Variants in TBC1D32 observed in about 807,000 individuals in gnomAD.
The protein encoded by TBC1D32 is protein broad-minded.
A neutral mutation model predicts 170.3 loss-of-function variants in TBC1D32; 151 were observed. That is an observed-to-expected ratio of 0.89 (90% CI 0.78 to 1.01). The LOEUF (loss-of-function observed/expected upper bound fraction) is 1.01, where lower values mean the gene tolerates loss of function less well. Among genes scored for constraint, TBC1D32 ranks in the 50% least tolerant of loss-of-function variants. The pLI, the probability that TBC1D32 is intolerant of heterozygous loss-of-function variation, is 0.00. For missense variants in TBC1D32, 1,464 were observed against 1,457.1 expected (o/e 1.00, Z -0.08); for synonymous variants, 498 against 488.0 (o/e 1.02, Z -0.27).
intron 24 of TBC1D32, among the ~76,000 whole-genome samples, chr6:121,153,407 T>C (rs965885602): frequency 6.6e-6 from 1 of 152,068 alleles, no homozygotes; most frequent in Non-Finnish European, 1.5e-5. Context: ...CAGCTGAAGC[T>C]CTCCTGTATA....
intron 22 of TBC1D32, among the ~76,000 whole-genome samples, chr6:121,194,004 G>C (rs1382529035): frequency 6.6e-6 from 1 of 150,826 alleles, no homozygotes; most frequent in East Asian, 2.0e-4. Flanking sequence ...CAGCAATGTA[G>C]AGGGTAACTG....
intron 24 of TBC1D32, among the ~76,000 whole-genome samples, chr6:121,152,426 T>C (rs1488202247): frequency 6.6e-6 from 1 of 152,200 alleles, no homozygotes; most frequent in Non-Finnish European, 1.5e-5. Flanking sequence ...CTGACTGCCT[T>C]AAAATTTTTT....
chr6:121,288,514 C>G (rs1367292326), intron 12 of TBC1D32, among the ~76,000 whole-genome samples: 2 of 151,914 alleles, frequency 1.3e-5, no homozygotes, highest in African/African-American at 4.8e-5. Flanking sequence ...ATAATTAATA[C>G]CTTGCCAACC....
At chr6:121,198,830 T>C (rs1229146870) in intron 22 of TBC1D32, among the ~76,000 whole-genome samples, 1 of 151,254 alleles carries the variant, frequency 6.6e-6, no homozygotes, top group Non-Finnish European at 1.5e-5. Context: ...GACATAACTC[T>C]AGGAGACAAT....
intron 29 of TBC1D32, among the ~76,000 whole-genome samples, chr6:121,106,920 T>G (rs1260080521): frequency 6.6e-6 from 1 of 151,966 alleles, no homozygotes; most frequent in Non-Finnish European, 1.5e-5. Context: ...TGATCAATAA[T>G]GTACTGTGTA....
chr6:121,221,017 G>A (rs1238842870), intron 21 of TBC1D32, among the ~76,000 whole-genome samples: 1 of 151,986 alleles, frequency 6.6e-6, no homozygotes, highest in African/African-American at 2.4e-5. Flanking sequence ...CTAGAAAGGA[G>A]AAGTCAGTGC....
chr6:121,120,884 TCTTTTACCC>T (rs909222613), intron 26 of TBC1D32, among the ~76,000 whole-genome samples: 1 of 152,010 alleles, frequency 6.6e-6, no homozygotes, highest in African/African-American at 2.4e-5. Flanking sequence ...CTCTTAAGTC[TCTTTTACCC>T]CTTTCCCAGG....
At chr6:121,296,458 C>T (rs886821352) in intron 10 of TBC1D32, among the ~76,000 whole-genome samples, 2 of 152,084 alleles carry the variant, frequency 1.3e-5, no homozygotes, top group African/African-American at 2.4e-5. Context: ...ATTAAACCTA[C>T]CAAATCTAAA....
At chr6:121,304,959 G>T in intron 5 of TBC1D32, 126 bp from the exon 6 acceptor site, 3 of 662,208 alleles carry the variant, frequency 4.5e-6, no homozygotes, top group Non-Finnish European at 7.7e-6. Flanking sequence ...AGAAACTAGA[G>T]TCAGAATGTA....
intron 30 of TBC1D32, among the ~76,000 whole-genome samples, chr6:121,098,801 A>T (rs1425341298): frequency 6.6e-6 from 1 of 151,974 alleles, no homozygotes; most frequent in Non-Finnish European, 1.5e-5. Context: ...ATGATCCAGG[A>T]TATTTCCATT....
chr6:121,233,825 A>G (rs1448500209), intron 20 of TBC1D32, among the ~76,000 whole-genome samples: 2 of 152,110 alleles, frequency 1.3e-5, no homozygotes. Flanking sequence ...TTTATTCTTT[A>G]AGGATGTTCT....
chr6:121,218,553 G>C (rs1794108349), intron 21 of TBC1D32, among the ~76,000 whole-genome samples: 1 of 152,104 alleles, frequency 6.6e-6, no homozygotes, highest in Non-Finnish European at 1.5e-5. Flanking sequence ...ATCTGGGTAG[G>C]CACCCTCTAA....
At chr6:121,153,343 G>T (rs1398668781) in intron 24 of TBC1D32, among the ~76,000 whole-genome samples, 1 of 152,186 alleles carries the variant, frequency 6.6e-6, no homozygotes, top group African/African-American at 2.4e-5. Flanking sequence ...AGCAAAGATT[G>T]CTGCCTGTTC....
rs374683778 is a variant in TBC1D32 at position 121,204,023 on chromosome 6, TCAA to T, written c.2570+1049_2570+1051del. 1.4e-3 allele frequency among the ~76,000 whole-genome samples: 210 copies of T among 150,990 alleles called. 7 individuals are homozygous for T. The highest frequency in any genetic ancestry group is 4.9e-3 in the African/African-American group (200 of 40,574). ...AAAAAAAAGAAATTTGCTCAGTATA[TCAA>T]CAACAAGAGGCCAAAATCGATGTTC... is the stretch of plus-strand genomic sequence containing the variant. On this transcript the variant is annotated intron_variant, in intron 22 of 31. Coordinates refer to ENST00000398212, the MANE Select transcript of TBC1D32 (RefSeq NM_152730.6).
chr6:121,195,002 T>C lies in TBC1D32; in HGVS notation c.2570+10073A>G, dbSNP rs529601661. On this transcript the variant is annotated intron_variant, in intron 22 of 31. Coordinates refer to ENST00000398212, the MANE Select transcript of TBC1D32 (RefSeq NM_152730.6). ...CAGTGGTGTGGGGCCTGTCGAGATATTACTTCTAAAGTGAAGGATAAGTTG... is the reference window on the plus strand; with the variant it reads ...CAGTGGTGTGGGGCCTGTCGAGATACTACTTCTAAAGTGAAGGATAAGTTG... 4.2e-4 allele frequency among the ~76,000 whole-genome samples: 64 copies of C among 152,292 alleles called. No individual in the cohort carries two copies. The South Asian group carries it at 0.012, about 28-fold the overall frequency.
At chr6:121,136,248 T>C (rs1782062121) in intron 24 of TBC1D32, among the ~76,000 whole-genome samples, 2 of 152,216 alleles carry the variant, frequency 1.3e-5, no homozygotes, top group Non-Finnish European at 2.9e-5. Context: ...GACAAGTGAA[T>C]GGGACATGTA....
intron 30 of TBC1D32, chr6:121,096,130 G>C (rs1378248692): frequency 6.6e-6 from 1 of 152,064 alleles, no homozygotes; most frequent in Non-Finnish European, 1.5e-5. Flanking sequence ...GATCTATTCA[G>C]GGATTCAATT....
chr6:121,141,218 A>G (rs1001907454), intron 24 of TBC1D32, among the ~76,000 whole-genome samples: 7 of 152,116 alleles, frequency 4.6e-5, no homozygotes, highest in Non-Finnish European at 8.8e-5. Context: ...GAGAAGAAAT[A>G]TATTTTAGAT....
At chr6:121,175,296 T>G (rs1787615509) in intron 22 of TBC1D32, among the ~76,000 whole-genome samples, 1 of 152,184 alleles carries the variant, frequency 6.6e-6, no homozygotes, top group Non-Finnish European at 1.5e-5. Flanking sequence ...AGGATCTGGA[T>G]GTACAATGAG....
Sources: gnomAD v4.1 joint callset for allele counts (sites outside exome capture counted in the v4.1 genomes callset) on GRCh38, gnomAD v4.1.1 for gene constraint, MANE v1.5 for transcripts, NCBI Gene and HGNC (gene_info 2026-07-23, HGNC 2026-07-21) for gene names.